The following POGZ variants were observed in gnomAD, a reference collection of about 807,000 sequenced individuals.
The protein encoded by POGZ is pogo transposable element derived with ZNF domain, also known as pogo transposable element with ZNF domain.
Under a neutral mutation model 134.6 loss-of-function variants are expected in POGZ, and 17 were observed. The observed-to-expected ratio is 0.13, with a 90% CI of 0.09 to 0.19. The LOEUF is 0.19. Among genes scored for constraint, POGZ ranks in the 10% least tolerant of loss-of-function variants. The pLI is 1.00. For synonymous variants in POGZ, 693 were observed against 657.1 expected (o/e 1.05, Z -0.84); for missense variants, 1,306 against 1,769.7 (o/e 0.74, Z 4.70).
At position 151,428,279 on chromosome 1, in the gene POGZ, G is replaced by C. The variant is rs748616193; in HGVS notation, c.703C>G (p.Leu235Val). Residue 235 changes from leucine (L) to valine (V), a missense_variant, in exon 6 of 19, where the codon CTT becomes GTT. By Grantham distance (32) the Leu-to-Val change is conservative. Around this residue, in one of 10 missense-constraint regions of POGZ, gnomAD observed 541 missense variants for 680.5 expected, o/e 0.80. Coordinates refer to ENST00000271715, the MANE Select transcript of POGZ (RefSeq NM_015100.4). ...NTFTTVIPATLTIRSTVPQSQ... is the reference protein window; with the variant it reads ...NTFTTVIPATVTIRSTVPQSQ... ...TGTGGGACGGTGCTTCGAATGGTAA[G>C]AGTGGCCGGGATGACGGTGGTGAAG... is the stretch of plus-strand genomic sequence containing the variant. 2.5e-6 allele frequency: 4 copies of C among 1,614,170 alleles called. No homozygotes were observed. The Admixed American group carries it at 5.0e-5, about 20-fold the overall frequency.
intron 11 of POGZ, 28 bp from the exon 12 acceptor site, chr1:151,411,799 C>A: frequency 1.9e-6 from 3 of 1,583,132 alleles, no homozygotes; most frequent in Admixed American, 1.8e-5. Context: ...GAAAATAAGG[C>A]TAAGAATGAA....
At position 151,458,531 on chromosome 1, in the gene POGZ, G is replaced by A. The variant is rs1428086002; in HGVS notation, c.-2+621C>T. Among the ~76,000 whole-genome samples the A allele has an allele frequency of 4.6e-5, 7 of 151,560 alleles. No individual in the cohort carries two copies. In the South Asian group the frequency reaches 8.3e-4, roughly 18 times the overall value. ...TCATTTTCCTCCTCCCGCTCAAAAC[G>A]AGCGCCCCACTCCTTCTCGGAGCGG... On this transcript the variant is annotated intron_variant, in intron 1 of 18. Coordinates refer to ENST00000271715, the MANE Select transcript of POGZ (RefSeq NM_015100.4).
At chr1:151,420,836 A>G in intron 10 of POGZ, among the ~76,000 whole-genome samples, 1 of 152,250 alleles carries the variant, frequency 6.6e-6, no homozygotes, top group South Asian at 2.1e-4. Flanking sequence ...TTTTTAATAT[A>G]CTGAATAAAA....
chr1:151,443,526 C>T (rs1660857158), intron 1 of POGZ, among the ~76,000 whole-genome samples: 1 of 152,128 alleles, frequency 6.6e-6, no homozygotes, highest in African/African-American at 2.4e-5. Flanking sequence ...ATCAGCCTGA[C>T]CAACATGGAG....
chr1:151,445,288 G>A (rs974521282), intron 1 of POGZ, among the ~76,000 whole-genome samples: 2 of 152,096 alleles, frequency 1.3e-5, no homozygotes, highest in Non-Finnish European at 2.9e-5. Context: ...TTGGGATGCT[G>A]AGAAGGGTGG....
At chr1:151,409,508 G>C (rs112864174) in intron 12 of POGZ, among the ~76,000 whole-genome samples, 2,520 of 152,212 alleles carry the variant, frequency 0.017, 83 homozygotes, top group African/African-American at 0.057. Flanking sequence ...GCTACTTTTT[G>C]TATTTTTTTG....
chr1:151,445,533 A>T (rs757479244), intron 1 of POGZ, among the ~76,000 whole-genome samples: 2 of 151,656 alleles, frequency 1.3e-5, no homozygotes, highest in African/African-American at 4.8e-5. Context: ...AAAAAAAAAA[A>T]AAAAAGAAAA....
intron 2 of POGZ, 50 bp from the exon 3 acceptor site, chr1:151,441,136 TA>T: frequency 6.8e-7 from 1 of 1,460,924 alleles, no homozygotes. Flanking sequence ...CAGATGACAC[TA>T]AAGGATACTG....
chr1:151,404,673 G>A lies in POGZ; in HGVS notation c.*129C>T. On this transcript the variant is annotated 3_prime_UTR_variant, in exon 19 of 19. Transcript: ENST00000271715. ...GGGAAGTGTAAGTCAACTTCAGGGG[G>A]GAGTGGTGGTATAAAATTAAAAAAT... The A allele has an allele frequency of 1.4e-6, 2 of 1,415,854 alleles. No homozygotes were observed. Among genetic ancestry groups the A allele is most frequent in the Non-Finnish European group, 1.8e-6 (2 of 1,088,706 alleles). The allele number at this position is 1,415,854 out of a possible 1,614,324, so 87.7% of individuals were successfully genotyped here.
intron 2 of POGZ, among the ~76,000 whole-genome samples, chr1:151,441,659 G>A (rs571799795): frequency 2.0e-5 from 3 of 152,112 alleles, no homozygotes; most frequent in Admixed American, 2.0e-4. Flanking sequence ...CAGACACAAG[G>A]CAATTTCTAC....
rs1340620155 is a variant in POGZ at position 151,404,142 on chromosome 1, G to C, written c.*660C>G. 1 of 985,246 alleles carries C rather than the reference G, an allele frequency of 1.0e-6. No individual in the cohort carries two copies. The highest frequency in any genetic ancestry group is 1.2e-6 in the Non-Finnish European group (1 of 829,600). The allele number at this position is 985,246 out of a possible 1,614,324, so 61.0% of individuals were successfully genotyped here. ...TTTTAAAGCCACAATTTTATATCTA[G>C]GGTTGCTGTAGAAACCAACATCTCT... On this transcript the variant is annotated 3_prime_UTR_variant, in exon 19 of 19. Transcript: ENST00000271715.
intron 10 of POGZ, among the ~76,000 whole-genome samples, chr1:151,413,024 G>A (rs542546417): frequency 4.0e-5 from 6 of 151,246 alleles, no homozygotes; most frequent in Non-Finnish European, 7.4e-5. Flanking sequence ...GGTTGGTCTC[G>A]AACTCCTGAC....
intron 3 of POGZ, among the ~76,000 whole-genome samples, chr1:151,435,962 T>C (rs1557926403): frequency 2.7e-5 from 4 of 150,270 alleles, no homozygotes; most frequent in African/African-American, 9.7e-5. Flanking sequence ...TCTTTTCTTT[T>C]TTTTTTTTTT....
At chr1:151,438,858 C>T (rs1660056725) in intron 3 of POGZ, 1 of 149,626 alleles carries the variant, frequency 6.7e-6, no homozygotes, top group Non-Finnish European at 1.5e-5. Context: ...GCGTGGGTGA[C>T]AAAGTGAGAT....
intron 10 of POGZ, among the ~76,000 whole-genome samples, chr1:151,418,719 C>CT (rs935775901): frequency 2.6e-5 from 4 of 151,796 alleles, no homozygotes; most frequent in African/African-American, 7.3e-5. Context: ...TGCATCAATT[C>CT]TTTTTTTTGA....
chr1:151,445,367 CAAAAATT>C (rs1661114097), intron 1 of POGZ, among the ~76,000 whole-genome samples: 1 of 151,578 alleles, frequency 6.6e-6, no homozygotes, highest in Non-Finnish European at 1.5e-5. Context: ...ACTAAAAATA[CAAAAATT>C]AGCCGGACAT....
chr1:151,458,809 G>C (rs949712129), intron 1 of POGZ, among the ~76,000 whole-genome samples: 1 of 145,498 alleles, frequency 6.9e-6, no homozygotes, highest in African/African-American at 2.5e-5. Context: ...TGGGGCGCGA[G>C]TGCGCGCGCG....
chr1:151,413,338 G>A (rs774455069), intron 10 of POGZ, among the ~76,000 whole-genome samples: 7 of 151,804 alleles, frequency 4.6e-5, no homozygotes, highest in Non-Finnish European at 8.8e-5. Flanking sequence ...CAGGCTGGTC[G>A]GAAACTCCTG....
intron 1 of POGZ, 38 bp downstream of exon 1, chr1:151,459,114 A>C (rs568518823): frequency 6.7e-6 from 1 of 148,628 alleles, no homozygotes; most frequent in Admixed American, 6.7e-5. Flanking sequence ...CCCCGGGAGC[A>C]GGGGGTGGGG....
Sources: gnomAD v4.1 joint callset for allele counts (sites outside exome capture counted in the v4.1 genomes callset) on GRCh38, gnomAD v4.1.1 for gene constraint, gnomAD v4.1.1 regional missense constraint, MANE v1.5 for transcripts, NCBI Gene and HGNC (gene_info 2026-07-23, HGNC 2026-07-21) for gene names.